Variants in BDH1 observed in about 807,000 individuals in gnomAD.
BDH1 encodes the protein D-beta-hydroxybutyrate dehydrogenase, mitochondrial.
BDH1 carries 30 observed loss-of-function variants against 33.1 expected under a neutral mutation model. That is an observed-to-expected ratio of 0.91 (90% CI 0.68 to 1.23). The LOEUF is 1.23. Among genes scored for constraint, BDH1 ranks in the 50% most tolerant of loss-of-function variants. The pLI is 0.00. For missense variants in BDH1, 443 were observed against 464.4 expected, an observed-to-expected ratio of 0.95 and a Z score of 0.42; for synonymous variants, 190 against 183.6, an observed-to-expected ratio of 1.03 and a Z score of -0.28.
intron 6 of BDH1, among the ~76,000 whole-genome samples, chr3:197,517,275 T>C: frequency 1.2e-5 from 1 of 82,074 alleles, no homozygotes. Flanking sequence ...TCCTGCTCTA[T>C]GGTCTCCATC....
At chr3:197,527,845 C>G (rs946942828) in intron 5 of BDH1, among the ~76,000 whole-genome samples, 1 of 152,092 alleles carries the variant, frequency 6.6e-6, no homozygotes, top group African/African-American at 2.4e-5. Context: ...TTCTGTGACA[C>G]TCCCTCCCGC....
Position 197,525,679 on chromosome 3 carries a change from T to C in BDH1, c.268-2898A>G, listed in dbSNP as rs1714022431. Among the ~76,000 whole-genome samples, 1 of 152,190 alleles carries C rather than the reference T, an allele frequency of 6.6e-6. No individual in the cohort carries two copies. The highest frequency in any genetic ancestry group is 1.5e-5 in the Non-Finnish European group (1 of 68,032). On this transcript the variant is annotated intron_variant, in intron 5 of 7. Transcript: ENST00000392379. The surrounding 1 kb of genome is among the most constrained non-coding windows in gnomAD (Gnocchi z 4.9). The stretch of plus-strand genomic sequence containing the variant: ...ACCCTGCTCCTGACAACCACGCCAA[T>C]AGGGACAGAAACTACCAATTTGCCC...
At chr3:197,515,467 G>A in intron 6 of BDH1, 1 of 985,650 alleles carries the variant, frequency 1.0e-6, no homozygotes, top group Non-Finnish European at 1.2e-6. Flanking sequence ...CTCTTCCCAG[G>A]AGGAGCAGCA....
chr3:197,541,550 A>G (rs1395076554), intron 3 of BDH1, among the ~76,000 whole-genome samples: 2 of 152,204 alleles, frequency 1.3e-5, no homozygotes, highest in African/African-American at 4.8e-5. Context: ...AAGATTGGCC[A>G]TGTGCTGATA....
intron 1 of BDH1, among the ~76,000 whole-genome samples, chr3:197,562,366 A>C (rs1717294370): frequency 6.6e-6 from 1 of 152,154 alleles, no homozygotes; most frequent in African/African-American, 2.4e-5. Flanking sequence ...TGAGGAACTG[A>C]ACTGTTGTTT....
At chr3:197,570,233 T>C (rs1307937709) in intron 1 of BDH1, among the ~76,000 whole-genome samples, 1 of 152,212 alleles carries the variant, frequency 6.6e-6, no homozygotes, top group Non-Finnish European at 1.5e-5. Flanking sequence ...GCATTCAAAG[T>C]GTGACTTGGG....
In BDH1 at chr3:197,512,317, C is replaced by T; in HGVS notation, c.610G>A (p.Ala204Thr). The stretch of plus-strand genomic sequence containing the variant: ...TTGGTGATGCAGTACGGGGAGCGGG[C>T]CGGGTTGGCCATGCGGCCCAGCATG... ...SSMLGRMANPARSPYCITKFG... is the reference protein window; with the variant it reads ...SSMLGRMANPTRSPYCITKFG... The change falls in exon 8 of 8, where the codon GCC becomes ACC. Residue 204 changes from alanine (A) to threonine (T), a missense_variant. Physicochemically the swap from Ala to Thr is moderately conservative, Grantham distance 58 (BLOSUM62 0). Coordinates refer to ENST00000392379, the MANE Select transcript of BDH1 (RefSeq NM_203314.3). The T allele has an allele frequency of 6.2e-7, 1 of 1,611,128 alleles. No individual in the cohort carries two copies. The highest frequency in any genetic ancestry group is 8.5e-7 in the Non-Finnish European group (1 of 1,179,926).
rs116728978 is a variant in BDH1 at position 197,516,207 on chromosome 3, C to T, written c.410-1791G>A. Among the ~76,000 whole-genome samples, 764 of 152,324 alleles carry T rather than the reference C, an allele frequency of 5.0e-3. 3 individuals are homozygous for T. Among genetic ancestry groups the T allele is most frequent in the African/African-American group, 0.017 (727 of 41,574 alleles). On this transcript the variant is annotated intron_variant, in intron 6 of 7. Coordinates refer to ENST00000392379, the MANE Select transcript of BDH1 (RefSeq NM_203314.3). This position sits in a 1 kb window ranked among gnomAD's most constrained non-coding sequence, Gnocchi z 4.2. ...CCCCCAATGTCCTGGCCTAATCCTGCTCCTCTCAAAGTACACTTAACTCTT... is the reference window on the plus strand; with the variant it reads ...CCCCCAATGTCCTGGCCTAATCCTGTTCCTCTCAAAGTACACTTAACTCTT...
Position 197,514,284 on chromosome 3 carries a change from G to C in BDH1, c.542C>G (p.Pro181Arg). The C allele has an allele frequency of 6.2e-7, 1 of 1,613,450 alleles. No individual in the cohort carries two copies. The highest frequency in any genetic ancestry group is 8.5e-7 in the Non-Finnish European group (1 of 1,179,596). ...GTVRMTKSFL[P>R]LIRRAKGRVV... Reference sequence around the variant, plus strand: ...CTCACCTTTGGCCCTTCGGATGAGGGGGAGAAAGGATTTCGTCATCCGCAC... The same window carrying C: ...CTCACCTTTGGCCCTTCGGATGAGGCGGAGAAAGGATTTCGTCATCCGCAC... The change falls in exon 7 of 8, where the codon CCC (proline) becomes CGC (arginine). Residue 181 changes from proline (P) to arginine (R), a missense_variant. Physicochemically the swap from Pro to Arg is moderately radical, Grantham distance 103. Coordinates refer to ENST00000392379, the MANE Select transcript of BDH1 (RefSeq NM_203314.3). This position sits in a 1 kb window ranked among gnomAD's most constrained non-coding sequence, Gnocchi z 4.2.
At position 197,522,605 on chromosome 3, in the gene BDH1, A is replaced by G. The variant is rs1448645547; in HGVS notation, c.409+35T>C. 1.9e-6 allele frequency: 3 copies of G among 1,611,966 alleles called. No homozygotes were observed. The highest frequency in any genetic ancestry group is 1.7e-6 in the Non-Finnish European group (2 of 1,178,922). ...GGCAAGTGCCCCTTGGAATGGCCCCATACACAACCCCTGCCGTCCGAAGGG... is the reference window on the plus strand; with the variant it reads ...GGCAAGTGCCCCTTGGAATGGCCCCGTACACAACCCCTGCCGTCCGAAGGG... On this transcript the variant is annotated intron_variant, in intron 6 of 7. Coordinates refer to ENST00000392379, the MANE Select transcript of BDH1 (RefSeq NM_203314.3). The surrounding 1 kb of genome is among the most constrained non-coding windows in gnomAD (Gnocchi z 4.8).
At chr3:197,548,231 G>A (rs1716253606) in intron 2 of BDH1, among the ~76,000 whole-genome samples, 1 of 152,166 alleles carries the variant, frequency 6.6e-6, no homozygotes, top group Non-Finnish European at 1.5e-5. Context: ...GCTTTTTATG[G>A]TTTTATGGAA....
rs1035510577 is a variant in BDH1 at position 197,522,201 on chromosome 3, T to C, written c.409+439A>G. The stretch of plus-strand genomic sequence containing the variant: ...CTGGCCTATTTCCACTGCGCCCCCA[T>C]GGCTGGACTGACCCCTCCTTCCTGT... On this transcript the variant is annotated intron_variant, in intron 6 of 7. Transcript: ENST00000392379. The surrounding 1 kb of genome is among the most constrained non-coding windows in gnomAD (Gnocchi z 4.8). Among the ~76,000 whole-genome samples, 1 of 152,186 alleles carries C rather than the reference T, an allele frequency of 6.6e-6. No individual in the cohort carries two copies. Among genetic ancestry groups the C allele is most frequent in the Admixed American group, 6.5e-5 (1 of 15,276 alleles).
rs1351494750 is a variant in BDH1 at position 197,526,660 on chromosome 3, C to T, written c.268-3879G>A. ...CACTGGATGGTTACCCTTAAGGTGA[C>T]TCCAAGCAGCTCTCTCCACTGTCCA... On this transcript the variant is annotated intron_variant, in intron 5 of 7. Coordinates refer to ENST00000392379, the MANE Select transcript of BDH1 (RefSeq NM_203314.3). The surrounding 1 kb of genome is among the most constrained non-coding windows in gnomAD (Gnocchi z 4.7). 2.0e-5 allele frequency among the ~76,000 whole-genome samples: 3 copies of T among 152,232 alleles called. No individual in the cohort carries two copies. Among genetic ancestry groups the T allele is most frequent in the African/African-American group, 4.8e-5 (2 of 41,454 alleles).
chr3:197,541,029 C>A (rs759405174), intron 3 of BDH1, among the ~76,000 whole-genome samples: 3 of 152,182 alleles, frequency 2.0e-5, no homozygotes, highest in Non-Finnish European at 4.4e-5. Flanking sequence ...TTGGCCACTG[C>A]TGGGATTGCC....
intron 3 of BDH1, among the ~76,000 whole-genome samples, chr3:197,545,831 A>G (rs1317058655): frequency 6.6e-6 from 1 of 152,246 alleles, no homozygotes; most frequent in Non-Finnish European, 1.5e-5. Context: ...TTTCAAAATA[A>G]AAAGGGTTTT....
intron 3 of BDH1, among the ~76,000 whole-genome samples, chr3:197,540,484 C>A (rs1715517580): frequency 1.3e-5 from 2 of 151,664 alleles, no homozygotes; most frequent in African/African-American, 4.8e-5. Flanking sequence ...GCCTGGCCAA[C>A]ATGGTGAAAC....
chr3:197,529,845 C>T (rs1714478240), intron 5 of BDH1: 1 of 152,138 alleles, frequency 6.6e-6, no homozygotes, highest in South Asian at 2.1e-4. Context: ...CCCCTGGGTT[C>T]CTACTGGCTT....
chr3:197,548,551 A>G (rs1333296149), intron 2 of BDH1, among the ~76,000 whole-genome samples: 1 of 152,236 alleles, frequency 6.6e-6, no homozygotes, highest in Non-Finnish European at 1.5e-5. Context: ...TTAAAAGTGC[A>G]TAAAAACTCA....
At chr3:197,531,409 T>TA (rs61663838) in intron 5 of BDH1, among the ~76,000 whole-genome samples, 88 of 139,022 alleles carry the variant, frequency 6.3e-4, no homozygotes, top group East Asian at 2.9e-3. Flanking sequence ...AAACATAAAT[T>TA]AAAAAAAAAA....
Sources: gnomAD v4.1 joint callset for allele counts (sites outside exome capture counted in the v4.1 genomes callset) on GRCh38, gnomAD v4.1.1 for gene constraint, Gnocchi (gnomAD v3.1) non-coding constraint, MANE v1.5 for transcripts, NCBI Gene and HGNC (gene_info 2026-07-23, HGNC 2026-07-21) for gene names.